The following GLYATL2 variants were observed in gnomAD, a reference collection of about 807,000 sequenced individuals.
GLYATL2 encodes glycine-N-acyltransferase like 2, also known as glycine N-acyltransferase-like protein 2.
In GLYATL2, 25 loss-of-function variants were observed where a neutral mutation model predicts 21.4. The observed-to-expected ratio is 1.17, with a 90% CI of 0.85 to 1.63. The LOEUF is 1.63. Among genes scored for constraint, GLYATL2 ranks in the 40% most tolerant of loss-of-function variants. GLYATL2 has a pLI of 0.00. For synonymous variants in GLYATL2, 114 were observed against 118.2 expected (o/e 0.96, Z 0.23); for missense variants, 361 against 343.3 (o/e 1.05, Z -0.41).
In GLYATL2 at chr11:58,872,427, G is replaced by T. The variant is rs1036860301; in HGVS notation, n.60+31729C>A. Among the ~76,000 whole-genome samples, 4 of 152,178 alleles carry T rather than the reference G, an allele frequency of 2.6e-5. No homozygotes were observed. In the South Asian group the frequency reaches 6.2e-4, roughly 24 times the overall value. On this transcript the variant is annotated intron_variant and non_coding_transcript_variant, in intron 1 of 4. Transcript: ENST00000533636. ...GTTTTTATGGTTTTAGGTATAACATGTAAGTCTTTAATCCATCTTGAATTG... is the reference window on the plus strand; with the variant it reads ...GTTTTTATGGTTTTAGGTATAACATTTAAGTCTTTAATCCATCTTGAATTG...
intron 1 of GLYATL2, among the ~76,000 whole-genome samples, chr11:58,886,022 C>T (rs1363265842): frequency 6.6e-6 from 1 of 152,126 alleles, no homozygotes; most frequent in African/African-American, 2.4e-5. Flanking sequence ...TGAGACCAGC[C>T]TGTGCAACAT....
At chr11:58,888,565 A>T (rs1854483156) in intron 1 of GLYATL2, among the ~76,000 whole-genome samples, 1 of 151,912 alleles carries the variant, frequency 6.6e-6, no homozygotes, top group Non-Finnish European at 1.5e-5. Flanking sequence ...TTATTAAGTG[A>T]TTCCACTACT....
At chr11:58,893,450 T>A in intron 1 of GLYATL2, 1 of 233,880 alleles carries the variant, frequency 4.3e-6, no homozygotes, top group Non-Finnish European at 9.5e-6. Flanking sequence ...CAGAATCTAG[T>A]TCCATTTTAG....
In GLYATL2 at chr11:58,834,299, G is replaced by C. The variant is rs187854469; in HGVS notation, c.*130C>G. The C allele has an allele frequency of 1.5e-6, 1 of 665,498 alleles. No homozygotes were observed. Among genetic ancestry groups the C allele is most frequent in the Non-Finnish European group, 2.4e-6 (1 of 417,072 alleles). The allele number at this position is 665,498 out of a possible 1,614,324, so 41.2% of individuals were successfully genotyped here. A position where few individuals can be genotyped will look rare whatever the true frequency, so the allele number is the denominator to read the frequency against. On this transcript the variant is annotated 3_prime_UTR_variant, in exon 6 of 6. Coordinates refer to ENST00000287275, the MANE Select transcript of GLYATL2 (RefSeq NM_145016.4). ...AGGAGAAGGAAGGTAAAACTGTTAAGGGTGAGCTTAAGTAATACACAGATC... is the reference window on the plus strand; with the variant it reads ...AGGAGAAGGAAGGTAAAACTGTTAACGGTGAGCTTAAGTAATACACAGATC...
chr11:58,885,209 T>G (rs1016462363), intron 1 of GLYATL2, among the ~76,000 whole-genome samples: 2 of 152,250 alleles, frequency 1.3e-5, no homozygotes, highest in African/African-American at 2.4e-5. Flanking sequence ...GCCAAGCTAG[T>G]GCACAGTAGC....
intron 1 of GLYATL2, among the ~76,000 whole-genome samples, chr11:58,902,948 C>T (rs1854764882): frequency 6.6e-6 from 1 of 152,178 alleles, no homozygotes; most frequent in African/African-American, 2.4e-5. Flanking sequence ...CATCCAAGCT[C>T]TCAGACCATA....
intron 1 of GLYATL2, chr11:58,885,530 C>A: frequency 2.1e-6 from 1 of 472,572 alleles, no homozygotes; most frequent in Non-Finnish European, 4.3e-6. Flanking sequence ...TATTATCCAA[C>A]CACCAAAACA....
At position 58,857,910 on chromosome 11, in the gene GLYATL2, A is replaced by C. The variant is rs1197912232; in HGVS notation, n.61-19542T>G. Among the ~76,000 whole-genome samples, 8 of 116,476 alleles carry C rather than the reference A, an allele frequency of 6.9e-5. No homozygotes were observed. The East Asian group carries it at 1.0e-3, about 15-fold the overall frequency. The allele number at this position is 116,476 out of a possible 152,430, so 76.4% of individuals were successfully genotyped here. A position where few individuals can be genotyped will look rare whatever the true frequency, so the allele number is the denominator to read the frequency against. ...CTCCAAAAAAAAAAAAAAAAAAAAA[A>C]AAACAAGCAAAACAAACAAACAAAA... is the stretch of plus-strand genomic sequence containing the variant. On this transcript the variant is annotated intron_variant and non_coding_transcript_variant, in intron 1 of 4. Transcript: ENST00000533636.
chr11:58,873,092 T>A (rs1400430523), intron 1 of GLYATL2, among the ~76,000 whole-genome samples: 2 of 151,448 alleles, frequency 1.3e-5, no homozygotes, highest in East Asian at 3.9e-4. Context: ...CGTTTGTCTG[T>A]TATTGGTGCA....
Position 58,837,126 on chromosome 11 carries a change from G to T in GLYATL2, c.365C>A (p.Ser122Ter). 1 of 1,613,916 alleles carries T rather than the reference G, an allele frequency of 6.2e-7. No individual in the cohort carries two copies. Among genetic ancestry groups the T allele is most frequent in the Non-Finnish European group, 8.5e-7 (1 of 1,179,872 alleles). ...EAIRKVATSK[S>*]VQVDYMKTIL... ...GGTTTTCATGTAATCTACCTGCACTGATTTTGAAGTTGCAACCTTTCTTAT... is the reference window on the plus strand; with the variant it reads ...GGTTTTCATGTAATCTACCTGCACTTATTTTGAAGTTGCAACCTTTCTTAT... The change falls in exon 5 of 6, where the codon TCA (serine) becomes TAA (stop). Residue 122 changes from serine to a stop codon, truncating the protein, a stop_gained. Coordinates refer to ENST00000287275, the MANE Select transcript of GLYATL2 (RefSeq NM_145016.4). LOFTEE classifies it high-confidence loss of function.
chr11:58,848,247 A>G (rs1242770821), upstream of GLYATL2, among the ~76,000 whole-genome samples: 1 of 152,154 alleles, frequency 6.6e-6, no homozygotes, highest in East Asian at 1.9e-4. Flanking sequence ...ATAAGCCCAG[A>G]CAGTGAAGAC....
At chr11:58,875,319 T>A (rs530902302) in intron 1 of GLYATL2, among the ~76,000 whole-genome samples, 1 of 152,312 alleles carries the variant, frequency 6.6e-6, no homozygotes, top group Non-Finnish European at 1.5e-5. Context: ...TGTGTGAATT[T>A]GATCCTGTCA....
intron 1 of GLYATL2, chr11:58,885,441 G>T: frequency 2.0e-6 from 1 of 493,332 alleles, no homozygotes; most frequent in Admixed American, 2.0e-5. Context: ...CATATATATG[G>T]CTGTGTGTAT....
intron 1 of GLYATL2, among the ~76,000 whole-genome samples, chr11:58,885,186 A>G (rs1565105624): frequency 6.6e-6 from 1 of 152,250 alleles, no homozygotes; most frequent in Non-Finnish European, 1.5e-5. Flanking sequence ...AAGTGCTAAG[A>G]GCATTGACAA....
chr11:58,866,774 A>G (rs1854029744), intron 1 of GLYATL2, among the ~76,000 whole-genome samples: 1 of 149,196 alleles, frequency 6.7e-6, no homozygotes, highest in Non-Finnish European at 1.5e-5. Flanking sequence ...CACTGCCTCA[A>G]GGTAACTTTA....
chr11:58,872,483 A>G (rs1854141984), intron 1 of GLYATL2, among the ~76,000 whole-genome samples: 1 of 152,246 alleles, frequency 6.6e-6, no homozygotes, highest in South Asian at 2.1e-4. Context: ...GAAGAGATCC[A>G]GTTTCAGCTT....
chr11:58,880,375 G>A (rs1222270366), intron 1 of GLYATL2, among the ~76,000 whole-genome samples: 1 of 152,152 alleles, frequency 6.6e-6, no homozygotes, highest in Non-Finnish European at 1.5e-5. Flanking sequence ...AGTAGGGAAT[G>A]GATAGGAGAG....
intron 1 of GLYATL2, among the ~76,000 whole-genome samples, chr11:58,853,330 C>T (rs778482746): frequency 1.8e-4 from 27 of 152,266 alleles, no homozygotes; most frequent in East Asian, 5.8e-4. Context: ...TGGTAGGTTC[C>T]ACATCTGCAA....
chr11:58,904,573 C>G (rs1284181359), upstream of GLYATL2, among the ~76,000 whole-genome samples: 1 of 152,210 alleles, frequency 6.6e-6, no homozygotes. Context: ...GATTTACTCT[C>G]CGATGCATAT....
Sources: gnomAD v4.1 joint callset for allele counts (sites outside exome capture counted in the v4.1 genomes callset) on GRCh38, gnomAD v4.1.1 for gene constraint, MANE v1.5 for transcripts, NCBI Gene and HGNC (gene_info 2026-07-23, HGNC 2026-07-21) for gene names.